SRC: variants seen among roughly 807,000 people sequenced by gnomAD.
The protein encoded by SRC is proto-oncogene tyrosine-protein kinase Src.
SRC carries 13 observed loss-of-function variants against 62.9 expected under a neutral mutation model. The observed-to-expected ratio is 0.21, with a 90% CI of 0.13 to 0.33. SRC has a LOEUF of 0.33. Among genes scored for constraint, SRC ranks in the 10% least tolerant of loss-of-function variants. SRC has a pLI of 1.00. For synonymous variants in SRC, 302 were observed against 317.5 expected, an observed-to-expected ratio of 0.95 and a Z score of 0.52; for missense variants, 457 against 737.3, an observed-to-expected ratio of 0.62 and a Z score of 4.40.
chr20:37,346,690 G>C (rs969465413), intron 1 of SRC, among the ~76,000 whole-genome samples: 1 of 152,120 alleles, frequency 6.6e-6, no homozygotes, highest in Non-Finnish European at 1.5e-5. Flanking sequence ...GGGATCGGCA[G>C]GGCGGGCTGA....
chr20:37,363,077 C>G (rs1465898737), intron 1 of SRC, among the ~76,000 whole-genome samples: 2 of 152,216 alleles, frequency 1.3e-5, no homozygotes, highest in Non-Finnish European at 2.9e-5. Flanking sequence ...ATACCCCCTC[C>G]TCTGGGAAGG....
Position 37,398,257 on chromosome 20 carries a change from C to T in SRC, c.859+403C>T, listed in dbSNP as rs111551568. Among the ~76,000 whole-genome samples, 158 of 152,266 alleles carry T rather than the reference C, an allele frequency of 1.0e-3. No homozygotes were observed. Among genetic ancestry groups the T allele is most frequent in the African/African-American group, 3.5e-3 (147 of 41,550 alleles). ...TCGCCATGGAGAGAGAAGCCCGGCTCGCAGGAGGGAGTGCTGGGAAGCTTA... is the reference window on the plus strand; with the variant it reads ...TCGCCATGGAGAGAGAAGCCCGGCTTGCAGGAGGGAGTGCTGGGAAGCTTA... On this transcript the variant is annotated intron_variant, in intron 9 of 13. Coordinates refer to ENST00000373578, the MANE Select transcript of SRC (RefSeq NM_198291.3). The surrounding 1 kb of genome is among the most constrained non-coding windows in gnomAD (Gnocchi z 5.2).
At chr20:37,346,855 G>A (rs1416635886) in intron 1 of SRC, among the ~76,000 whole-genome samples, 1 of 152,160 alleles carries the variant, frequency 6.6e-6, no homozygotes, top group Non-Finnish European at 1.5e-5. Context: ...CCCTGAGCAG[G>A]CCCAGCTACC....
intron 2 of SRC, among the ~76,000 whole-genome samples, chr20:37,379,602 T>C (rs1057399937): frequency 5.3e-5 from 8 of 151,744 alleles, no homozygotes; most frequent in African/African-American, 1.9e-4. Context: ...CACTCACCTG[T>C]AATCCCAGCT....
intron 2 of SRC, among the ~76,000 whole-genome samples, chr20:37,378,881 C>G (rs1353598737): frequency 6.6e-6 from 1 of 152,028 alleles, no homozygotes; most frequent in Non-Finnish European, 1.5e-5. Context: ...GAGGAAGATT[C>G]AGGAACTACC....
chr20:37,386,723 C>G (rs983631256), intron 5 of SRC, among the ~76,000 whole-genome samples: 6 of 152,236 alleles, frequency 3.9e-5, no homozygotes, highest in Non-Finnish European at 8.8e-5. Flanking sequence ...TTCCTACTCA[C>G]TCACCCTCCC....
chr20:37,347,615 T>G (rs1247286747), intron 1 of SRC, among the ~76,000 whole-genome samples: 1 of 152,218 alleles, frequency 6.6e-6, no homozygotes, highest in African/African-American at 2.4e-5. Context: ...GGCACCGTCC[T>G]GCCAGCCAGC....
At chr20:37,355,094 C>T (rs1350967309) in intron 1 of SRC, among the ~76,000 whole-genome samples, 1 of 152,054 alleles carries the variant, frequency 6.6e-6, no homozygotes, top group South Asian at 2.1e-4. Context: ...GAGAGGACCC[C>T]ATAATGTGGG....
intron 1 of SRC, among the ~76,000 whole-genome samples, chr20:37,353,153 A>AGCGG (rs1444429458): frequency 2.0e-5 from 3 of 152,224 alleles, no homozygotes; most frequent in Non-Finnish European, 4.4e-5. Context: ...CCCCAGCACC[A>AGCGG]GCGGGGCTGA....
At position 37,402,741 on chromosome 20, in the gene SRC, T is replaced by C; in HGVS notation, c.1271-8T>C. ...TCAGAGCTGCCCTGACCTTTCTCGT[T>C]CCTGCAGGTGCCAAATTCCCCATCA... On this transcript the variant is annotated splice_polypyrimidine_tract_variant and splice_region_variant and intron_variant, in intron 12 of 13. Coordinates refer to ENST00000373578, the MANE Select transcript of SRC (RefSeq NM_198291.3). This position sits in a 1 kb window ranked among gnomAD's most constrained non-coding sequence, Gnocchi z 6.2. The C allele has an allele frequency of 6.2e-7, 1 of 1,608,976 alleles. No individual in the cohort carries two copies. The highest frequency in any genetic ancestry group is 8.5e-7 in the Non-Finnish European group (1 of 1,176,988).
rs1426089089 is a variant in SRC at position 37,365,476 on chromosome 20, G to C, written c.-173+199G>C. On this transcript the variant is annotated intron_variant, in intron 2 of 13. Coordinates refer to ENST00000373578, the MANE Select transcript of SRC (RefSeq NM_198291.3). The stretch of plus-strand genomic sequence containing the variant: ...TCCAGGGAGATCCAAGCATATATAA[G>C]CATGTATATTAACAATTTTTTTAGC... Among the ~76,000 whole-genome samples the C allele has an allele frequency of 3.4e-5, 5 of 148,222 alleles. No individual in the cohort carries two copies. The East Asian group carries it at 9.9e-4, about 29-fold the overall frequency.
Position 37,399,980 on chromosome 20 carries a change from C to T in SRC, c.860-135C>T, listed in dbSNP as rs538827298. 109 of 779,142 alleles carry T rather than the reference C, an allele frequency of 1.4e-4. 1 individual carries two copies. In the South Asian group the frequency reaches 1.7e-3, roughly 12 times the overall value. The allele number at this position is 779,142 out of a possible 1,614,324, so 48.3% of individuals were successfully genotyped here. ...GGGGAGACTGAGGCTCAGAAAGGGC[C>T]CAGGCTTTGACTGGGTTTGTCACAT... is the stretch of plus-strand genomic sequence containing the variant. On this transcript the variant is annotated intron_variant, in intron 9 of 13. Coordinates refer to ENST00000373578, the MANE Select transcript of SRC (RefSeq NM_198291.3).
Position 37,394,050 on chromosome 20 carries a change from G to A in SRC, c.449+57G>A, listed in dbSNP as rs1338979236. ...CGTCCCTGGACACTGCCGGTGCAGA[G>A]TGCCTCTCCTGGGCTGGGGTGGGAG... On this transcript the variant is annotated intron_variant, in intron 6 of 13. Transcript: ENST00000373578. 1.9e-6 allele frequency: 3 copies of A among 1,582,994 alleles called. No homozygotes were observed. The Admixed American group carries it at 5.0e-5, about 27-fold the overall frequency.
At position 37,403,653 on chromosome 20, in the gene SRC, G is replaced by A. The variant is rs990809783; in HGVS notation, c.*274G>A. The A allele has an allele frequency of 1.6e-5, 8 of 501,634 alleles. No homozygotes were observed. The Admixed American group carries it at 2.6e-4, about 16-fold the overall frequency. 31.1% of individuals were successfully genotyped at this position (501,634 alleles called of 1,614,324 possible). ...CCTGCACTCCCTCCTGGAGCTCTGT[G>A]GGTCTCTGGAAGAGGAACCAGGAGA... On this transcript the variant is annotated 3_prime_UTR_variant, in exon 14 of 14. Transcript: ENST00000373578. This position sits in a 1 kb window ranked among gnomAD's most constrained non-coding sequence, Gnocchi z 7.1.
Position 37,397,962 on chromosome 20 carries a change from G to A in SRC, c.859+108G>A, listed in dbSNP as rs2070683060. The A allele has an allele frequency of 2.2e-6, 3 of 1,364,338 alleles. No individual in the cohort carries two copies. Among genetic ancestry groups the A allele is most frequent in the Non-Finnish European group, 2.9e-6 (3 of 1,025,378 alleles). The allele number at this position is 1,364,338 out of a possible 1,614,324, so 84.5% of individuals were successfully genotyped here. ...TTTAGCTGCCTCTGCTGGATGACGG[G>A]GCCCTGTTGTAAATCTGGAGCTCCC... On this transcript the variant is annotated intron_variant, in intron 9 of 13. Coordinates refer to ENST00000373578, the MANE Select transcript of SRC (RefSeq NM_198291.3). The surrounding 1 kb of genome is among the most constrained non-coding windows in gnomAD (Gnocchi z 4.1).
In SRC at chr20:37,373,266, A is replaced by ACG. The variant is rs201082541; in HGVS notation, c.-173+7991_-173+7992dup. Among the ~76,000 whole-genome samples, 114 of 121,028 alleles carry ACG rather than the reference A, an allele frequency of 9.4e-4. 1 individual carries two copies. Among genetic ancestry groups the ACG allele is most frequent in the African/African-American group, 2.8e-3 (105 of 36,900 alleles). 79.4% of individuals were successfully genotyped at this position (121,028 alleles called of 152,430 possible). The stretch of plus-strand genomic sequence containing the variant: ...TGTACACACGCACACACATGTACAT[A>ACG]CGCACACACACACACACATATTACA... On this transcript the variant is annotated intron_variant, in intron 2 of 13. Coordinates refer to ENST00000373578, the MANE Select transcript of SRC (RefSeq NM_198291.3).
At chr20:37,387,119 C>T (rs2070467711) in intron 5 of SRC, among the ~76,000 whole-genome samples, 5 of 152,182 alleles carry the variant, frequency 3.3e-5, no homozygotes, top group Admixed American at 3.3e-4. Context: ...GAATCGATCC[C>T]TGGGTGTCCT....
chr20:37,387,745 G>A (rs1242080477), intron 5 of SRC, among the ~76,000 whole-genome samples: 1 of 152,210 alleles, frequency 6.6e-6, no homozygotes, highest in Admixed American at 6.5e-5. Flanking sequence ...TCAGCACAGT[G>A]GCGGGTGCCC....
chr20:37,376,529 GT>G (rs1171384783), intron 2 of SRC, among the ~76,000 whole-genome samples: 7 of 152,140 alleles, frequency 4.6e-5, no homozygotes, highest in Non-Finnish European at 1.0e-4. Flanking sequence ...TGGAGATGGA[GT>G]TTTGCTCTTG....
Sources: gnomAD v4.1 joint callset for allele counts (sites outside exome capture counted in the v4.1 genomes callset) on GRCh38, gnomAD v4.1.1 for gene constraint, Gnocchi (gnomAD v3.1) non-coding constraint, MANE v1.5 for transcripts, NCBI Gene and HGNC (gene_info 2026-07-23, HGNC 2026-07-21) for gene names.